SRGAP2B: variants seen among roughly 807,000 people sequenced by gnomAD.
SRGAP2B encodes SLIT-ROBO Rho GTPase activating protein 2B, also known as SLIT-ROBO Rho GTPase-activating protein 2B.
Under a neutral mutation model 22.2 loss-of-function variants are expected in SRGAP2B, and 9 were observed. The observed-to-expected ratio is 0.41, with a 90% CI of 0.24 to 0.71. The LOEUF (loss-of-function observed/expected upper bound fraction) is 0.71. Ranked by LOEUF, SRGAP2B falls within the 30% of genes least tolerant of loss-of-function variation. The pLI is 0.35. For missense variants in SRGAP2B, 114 were observed against 235.8 expected, an observed-to-expected ratio of 0.48 and a Z score of 3.38; for synonymous variants, 36 against 87.4, an observed-to-expected ratio of 0.41 and a Z score of 3.28.
chr1:144,924,705 C>T (rs1163925998), intron 4 of SRGAP2B, among the ~76,000 whole-genome samples: 2 of 147,252 alleles, frequency 1.4e-5, no homozygotes, highest in Non-Finnish European at 3.0e-5. Flanking sequence ...GCACTCCAGC[C>T]TCGGTGACAG....
At position 144,994,830 on chromosome 1, in the gene SRGAP2B, C is replaced by T. The variant is rs9439330; in HGVS notation, c.260+178G>A. On this transcript the variant is annotated intron_variant, in intron 3 of 9. Transcript: ENST00000612199. ...GGTTCATCATCTACTCTCATCTCTA[C>T]GAAATGTTGAATTGCACTTAAGACT... 4.9e-3 allele frequency among the ~76,000 whole-genome samples: 738 copies of T among 150,466 alleles called. 41 individuals carry two copies. Among genetic ancestry groups the T allele is most frequent in the African/African-American group, 0.018 (712 of 40,058 alleles).
chr1:144,997,346 G>A (rs1242011717), intron 2 of SRGAP2B, among the ~76,000 whole-genome samples: 1 of 150,834 alleles, frequency 6.6e-6, no homozygotes, highest in Admixed American at 6.6e-5. Flanking sequence ...TGCGAGAATG[G>A]CGTGAACCCG....
intron 8 of SRGAP2B, among the ~76,000 whole-genome samples, chr1:144,893,970 C>T (rs1662245644): frequency 7.0e-6 from 1 of 142,564 alleles, no homozygotes. Flanking sequence ...TTTACAAATC[C>T]AGGCCATGCA....
chr1:144,927,050 C>T lies in SRGAP2B; in HGVS notation c.424-12296G>A, dbSNP rs1286010521. Among the ~76,000 whole-genome samples, 49 of 150,950 alleles carry T rather than the reference C, an allele frequency of 3.2e-4. 2 individuals are homozygous for T. The highest frequency in any genetic ancestry group is 5.6e-4 in the Non-Finnish European group (38 of 67,950). On this transcript the variant is annotated intron_variant, in intron 4 of 9. Transcript: ENST00000612199. Reference sequence around the variant, plus strand: ...CTGCAAGCTCTGCCTCCCGGCTTCACGCCATTCTCCTGCCTCAGCCTCCCA... The same window carrying T: ...CTGCAAGCTCTGCCTCCCGGCTTCATGCCATTCTCCTGCCTCAGCCTCCCA...
intron 2 of SRGAP2B, among the ~76,000 whole-genome samples, chr1:145,019,214 G>C (rs1553623655): frequency 6.9e-6 from 1 of 145,058 alleles, no homozygotes; most frequent in Non-Finnish European, 1.5e-5. Flanking sequence ...AGCCAGGTGT[G>C]GTGGTGCATG....
intron 3 of SRGAP2B, among the ~76,000 whole-genome samples, chr1:144,966,159 C>A (rs1214727665): frequency 6.7e-6 from 1 of 148,402 alleles, no homozygotes; most frequent in Non-Finnish European, 1.5e-5. Context: ...AGACACTCCT[C>A]GAGAAGAGCA....
chr1:144,932,794 ACT>A (rs1665299907), intron 4 of SRGAP2B, among the ~76,000 whole-genome samples: 1 of 103,754 alleles, frequency 9.6e-6, no homozygotes, highest in Non-Finnish European at 2.0e-5. Flanking sequence ...CCTAGTCTGC[ACT>A]CTCCATAATT....
At chr1:144,998,881 A>C (rs1217089168) in intron 2 of SRGAP2B, among the ~76,000 whole-genome samples, 2 of 151,008 alleles carry the variant, frequency 1.3e-5, no homozygotes, top group Admixed American at 6.6e-5. Flanking sequence ...TGCTGGCCCC[A>C]GTCCCCGTTC....
At chr1:144,965,299 G>A (rs1486566848) in intron 3 of SRGAP2B, among the ~76,000 whole-genome samples, 8 of 146,210 alleles carry the variant, frequency 5.5e-5, no homozygotes, top group Non-Finnish European at 7.4e-5. Flanking sequence ...ATCTGAGAAC[G>A]GGCAGACTGC....
At chr1:144,979,104 G>T (rs1394435130) in intron 3 of SRGAP2B, among the ~76,000 whole-genome samples, 1 of 151,648 alleles carries the variant, frequency 6.6e-6, no homozygotes, top group Non-Finnish European at 1.5e-5. Context: ...GTGCAGTGGC[G>T]CGATCTCGAC....
intron 2 of SRGAP2B, among the ~76,000 whole-genome samples, chr1:145,012,438 T>TA: frequency 6.8e-6 from 1 of 147,890 alleles, no homozygotes; most frequent in African/African-American, 2.6e-5. Context: ...CTTTAAAAAT[T>TA]AAAAAAGGAA....
intron 4 of SRGAP2B, among the ~76,000 whole-genome samples, chr1:144,925,725 A>AG (rs1664639023): frequency 9.1e-6 from 1 of 109,856 alleles, no homozygotes; most frequent in East Asian, 2.3e-4. Context: ...AGAGAGAGAA[A>AG]GAAAAGAAAG....
chr1:144,959,425 A>G (rs1667514892), intron 3 of SRGAP2B, among the ~76,000 whole-genome samples: 1 of 145,238 alleles, frequency 6.9e-6, no homozygotes, highest in East Asian at 2.0e-4. Context: ...TTGATATTGG[A>G]CTACCTAAAC....
rs587597839 is a variant in SRGAP2B, at chr1:145,047,086, G to T, written c.67+45749C>A. On this transcript the variant is annotated intron_variant, in intron 2 of 9. Transcript: ENST00000612199. The stretch of plus-strand genomic sequence containing the variant: ...AGCTACTTAGGAGGCTGAGGCAGGA[G>T]AAACACTTGAATCCAGGAGGCGGAG... Among the ~76,000 whole-genome samples the T allele has an allele frequency of 2.9e-4, 41 of 142,244 alleles. 5 individuals carry two copies. Among genetic ancestry groups the T allele is most frequent in the African/African-American group, 1.1e-3 (38 of 35,938 alleles). 93.3% of individuals were successfully genotyped at this position (142,244 alleles called of 152,430 possible).
intron 2 of SRGAP2B, among the ~76,000 whole-genome samples, chr1:145,023,040 C>T (rs1409483167): frequency 3.3e-5 from 5 of 149,758 alleles, no homozygotes; most frequent in African/African-American, 5.0e-5. Flanking sequence ...CGATGCGTGC[C>T]TATAGTCTCA....
rs1230216434 is a variant in SRGAP2B, at chr1:144,964,478, C to A, written c.261-8877G>T. Among the ~76,000 whole-genome samples the A allele has an allele frequency of 6.0e-5, 9 of 150,660 alleles. 1 individual carries two copies. The highest frequency in any genetic ancestry group is 2.2e-4 in the African/African-American group (9 of 40,166). On this transcript the variant is annotated intron_variant, in intron 3 of 9. Transcript: ENST00000612199. ...TTGGCTTGTGTACTCTAAATTACAG[C>A]ATATTATTAACCATGTTGATACTTT...
intron 3 of SRGAP2B, among the ~76,000 whole-genome samples, chr1:144,984,322 A>G (rs1669536852): frequency 7.3e-6 from 1 of 137,160 alleles, no homozygotes; most frequent in Non-Finnish European, 1.5e-5. Flanking sequence ...CTCCATCTAA[A>G]AAAAAACCCA....
chr1:144,932,910 A>G (rs1460832898), intron 4 of SRGAP2B, among the ~76,000 whole-genome samples: 1 of 112,632 alleles, frequency 8.9e-6, no homozygotes, highest in Non-Finnish European at 1.9e-5. Flanking sequence ...CCAGAAGAGA[A>G]TGTCAAAACT....
At chr1:144,943,311 A>T (rs1553607750) in intron 4 of SRGAP2B, among the ~76,000 whole-genome samples, 1 of 149,894 alleles carries the variant, frequency 6.7e-6, no homozygotes. Context: ...TTTTTTGAGT[A>T]ATTAATTAAA....
Sources: gnomAD v4.1 joint callset for allele counts (sites outside exome capture counted in the v4.1 genomes callset) on GRCh38, gnomAD v4.1.1 for gene constraint, MANE v1.5 for transcripts, NCBI Gene and HGNC (gene_info 2026-07-23, HGNC 2026-07-21) for gene names.